TCN2: variants seen among roughly 807,000 people sequenced by gnomAD.
The protein encoded by TCN2 is transcobalamin 2.
TCN2 carries 34 observed loss-of-function variants against 48.6 expected under a neutral mutation model. The ratio of observed to expected loss-of-function variants is 0.70; its 90% CI spans 0.53 to 0.93. The LOEUF is 0.93. Ranked by LOEUF, TCN2 falls within the 40% of genes least tolerant of loss-of-function variation. The pLI is 0.00. For missense variants in TCN2, 652 were observed against 526.1 expected (o/e 1.24, Z -2.34); for synonymous variants, 283 against 212.5 (o/e 1.33, Z -2.89).
chr22:30,620,753 T>G (rs2087685473), intron 7 of TCN2, among the ~76,000 whole-genome samples: 1 of 152,194 alleles, frequency 6.6e-6, no homozygotes, highest in African/African-American at 2.4e-5. Flanking sequence ...GTCTGAGAAA[T>G]GGTTCTCTTG....
At chr22:30,621,016 G>A (rs1414753547) in intron 7 of TCN2, among the ~76,000 whole-genome samples, 1 of 152,178 alleles carries the variant, frequency 6.6e-6, no homozygotes, top group African/African-American at 2.4e-5. Flanking sequence ...GTTTTGAGAC[G>A]GAGTTGCATT....
chr22:30,608,069 TC>T (rs1375210013), intron 1 of TCN2, among the ~76,000 whole-genome samples: 1 of 152,138 alleles, frequency 6.6e-6, no homozygotes, highest in Non-Finnish European at 1.5e-5. Context: ...GAGCACAGTC[TC>T]CTGGGACCTG....
Position 30,614,444 on chromosome 22 carries a change from G to T in TCN2, c.523G>T (p.Val175Leu). Residue 175 changes from valine to leucine, a missense_variant, in exon 4 of 9, where the codon GTG becomes TTG. By Grantham distance (32) the Val-to-Leu change is conservative. Transcript: ENST00000215838. ...CCACCAGAAGCGGGTCCATGACAGC[G>T]TGGTGGACAAACTTCTGTATGCTGT... ...CLHQKRVHDS[V>L]VDKLLYAVEP... 1 of 1,614,178 alleles carries T rather than the reference G, an allele frequency of 6.2e-7. No individual in the cohort carries two copies. The highest frequency in any genetic ancestry group is 8.5e-7 in the Non-Finnish European group (1 of 1,180,040).
chr22:30,619,426 T>C (rs531813279), intron 7 of TCN2, among the ~76,000 whole-genome samples: 4 of 152,340 alleles, frequency 2.6e-5, no homozygotes, highest in East Asian at 1.9e-4. Flanking sequence ...TATCCTGTTA[T>C]TAATTACCTC....
chr22:30,623,296 CAAA>C (rs11305698), intron 8 of TCN2: 141 of 373,238 alleles, frequency 3.8e-4, no homozygotes, highest in East Asian at 5.3e-4. Flanking sequence ...AGACAGATTA[CAAA>C]AAAAAAAAAA....
rs1962001563 is a variant in TCN2 at position 30,626,932 on chromosome 22, CA to C, written c.*412del. On this transcript the variant is annotated 3_prime_UTR_variant, in exon 9 of 9. Coordinates refer to ENST00000215838, the MANE Select transcript of TCN2 (RefSeq NM_000355.4). ...AGCCCGGGGGCTATGGCCCTGACCC[CA>C]GCTCTCCACTCTGCTGTTAGAGTGG... is the stretch of plus-strand genomic sequence containing the variant. 1 of 305,954 alleles carries C rather than the reference CA, an allele frequency of 3.3e-6. No individual in the cohort carries two copies. The highest frequency in any genetic ancestry group is 6.4e-6 in the Non-Finnish European group (1 of 155,976). 19.0% of individuals were successfully genotyped at this position (305,954 alleles called of 1,614,324 possible).
intron 8 of TCN2, among the ~76,000 whole-genome samples, chr22:30,624,655 A>T (rs1284815273): frequency 6.6e-6 from 1 of 152,254 alleles, no homozygotes; most frequent in East Asian, 1.9e-4. Context: ...AGCTAGGTGG[A>T]CCCAGCCAGG....
intron 8 of TCN2, 34 bp downstream of exon 8, chr22:30,623,117 C>T: frequency 1.2e-6 from 2 of 1,606,590 alleles, no homozygotes; most frequent in South Asian, 1.1e-5. Context: ...GATGTGTCCC[C>T]TACCCCAAGC....
intron 3 of TCN2, among the ~76,000 whole-genome samples, chr22:30,614,107 A>G (rs780189638): frequency 1.3e-5 from 2 of 152,150 alleles, no homozygotes; most frequent in Non-Finnish European, 2.9e-5. Flanking sequence ...CGCATGAGCA[A>G]TTGCTGTGGT....
chr22:30,611,489 A>G (rs933926612), intron 2 of TCN2, among the ~76,000 whole-genome samples: 10 of 152,144 alleles, frequency 6.6e-5, no homozygotes, highest in Admixed American at 6.5e-5. Context: ...CCATGACCGC[A>G]TTCTTTCATA....
intron 7 of TCN2, among the ~76,000 whole-genome samples, chr22:30,621,524 C>T (rs989245464): frequency 6.6e-6 from 1 of 152,048 alleles, no homozygotes; most frequent in Non-Finnish European, 1.5e-5. Flanking sequence ...GCTCTGTTAC[C>T]CAGGCTGGAG....
At position 30,615,436 on chromosome 22, in the gene TCN2, A is replaced by C; in HGVS notation, c.716A>C (p.His239Pro). ...EILKAQTPEG[H>P]FGNVYSTPLA... ...TTGAAGGCCCAGACCCCCGAGGGCC[A>C]CTTTGGGAATGTCTACAGCACCCCA... is the stretch of plus-strand genomic sequence containing the variant. The change falls in exon 5 of 9, where the codon CAC (histidine) becomes CCC (proline). Residue 239 changes from histidine to proline, a missense_variant. His to Pro is a moderately conservative substitution (Grantham distance 77, BLOSUM62 -2). Transcript: ENST00000215838. The C allele has an allele frequency of 6.2e-7, 1 of 1,614,202 alleles. No homozygotes were observed. The highest frequency in any genetic ancestry group is 2.2e-5 in the East Asian group (1 of 44,886).
At position 30,617,381 on chromosome 22, in the gene TCN2, G is replaced by T. The variant is rs779891790; in HGVS notation, c.992G>T (p.Ser331Ile). Reference sequence around the variant, plus strand: ...ATTCCTCAGACCCAAGAGATCATCAGTGTCACGCTGCAGGTGCTTAGTCTC... The same window carrying T: ...ATTCCTCAGACCCAAGAGATCATCATTGTCACGCTGCAGGTGCTTAGTCTC... Reference protein sequence around the residue: ...ETIPQTQEIISVTLQVLSLLP... With the variant: ...ETIPQTQEIIIVTLQVLSLLP... Residue 331 changes from serine to isoleucine, a missense_variant, in exon 7 of 9, where the codon AGT (serine) becomes ATT (isoleucine). Physicochemically the swap from Ser to Ile is moderately radical, Grantham distance 142. Coordinates refer to ENST00000215838, the MANE Select transcript of TCN2 (RefSeq NM_000355.4). 3.1e-6 allele frequency: 5 copies of T among 1,614,052 alleles called. No individual in the cohort carries two copies. The African/African-American group carries it at 6.7e-5, about 22-fold the overall frequency.
At chr22:30,612,311 G>T (rs1307008633) in intron 2 of TCN2, among the ~76,000 whole-genome samples, 1 of 151,936 alleles carries the variant, frequency 6.6e-6, no homozygotes, top group Non-Finnish European at 1.5e-5. Context: ...CACTTTGGGA[G>T]GCCAAGGTAG....
rs560391371 is a variant in TCN2 at position 30,626,509 on chromosome 22, G to A, written c.1272G>A (p.Leu424=). 1.7e-5 allele frequency: 27 copies of A among 1,614,104 alleles called. No individual in the cohort carries two copies. The South Asian group carries it at 2.6e-4, about 16-fold the overall frequency. ...ATGGAGAAACCATTGAGCTGAGGCT[G>A]GTTAGCTGGTAGCCCCTGAGCTCCC... ...PKDGETIELR[L]VSW Residue 424 remains leucine (L), a synonymous_variant, in exon 9 of 9, where the codon CTG becomes CTA. Coordinates refer to ENST00000215838, the MANE Select transcript of TCN2 (RefSeq NM_000355.4).
At chr22:30,618,925 A>G (rs2087656551) in intron 7 of TCN2, among the ~76,000 whole-genome samples, 1 of 152,136 alleles carries the variant, frequency 6.6e-6, no homozygotes, top group Admixed American at 6.5e-5. Flanking sequence ...ATGCACCACC[A>G]TACCTGGCTA....
Position 30,626,840 on chromosome 22 carries a change from T to G in TCN2, c.*319T>G, listed in dbSNP as rs1342374446. 2.1e-6 allele frequency: 1 copy of G among 468,938 alleles called. No homozygotes were observed. Among genetic ancestry groups the G allele is most frequent in the African/African-American group, 2.0e-5 (1 of 50,848 alleles). The allele number at this position is 468,938 out of a possible 1,614,324, so 29.0% of individuals were successfully genotyped here. ...TCAGACTCCTTGGCAAAAAACGGAG[T>G]CCGCAGGCCGCAGGTGTTGTGAAGA... is the stretch of plus-strand genomic sequence containing the variant. On this transcript the variant is annotated 3_prime_UTR_variant, in exon 9 of 9. Coordinates refer to ENST00000215838, the MANE Select transcript of TCN2 (RefSeq NM_000355.4).
At position 30,626,733 on chromosome 22, in the gene TCN2, G is replaced by C. The variant is rs549184880; in HGVS notation, c.*212G>C. 4 of 633,534 alleles carry C rather than the reference G, an allele frequency of 6.3e-6. No individual in the cohort carries two copies. Among genetic ancestry groups the C allele is most frequent in the Non-Finnish European group, 5.6e-6 (2 of 356,388 alleles). 39.2% of individuals were successfully genotyped at this position (633,534 alleles called of 1,614,324 possible). A position where few individuals can be genotyped will look rare whatever the true frequency, so the allele number is the denominator to read the frequency against. On this transcript the variant is annotated 3_prime_UTR_variant, in exon 9 of 9. Coordinates refer to ENST00000215838, the MANE Select transcript of TCN2 (RefSeq NM_000355.4). ...GAGAGCCAAGCATCTTCCCTGGGAA[G>C]TCTTTCTGGCCAAGTCTGGCCAGCC...
chr22:30,623,578 A>G (rs914181835), intron 8 of TCN2, among the ~76,000 whole-genome samples: 1 of 151,766 alleles, frequency 6.6e-6, no homozygotes, highest in African/African-American at 2.4e-5. Context: ...TCTTCTAGAT[A>G]CTTTTTAAAA....
Sources: gnomAD v4.1 joint callset for allele counts (sites outside exome capture counted in the v4.1 genomes callset) on GRCh38, gnomAD v4.1.1 for gene constraint, MANE v1.5 for transcripts, NCBI Gene and HGNC (gene_info 2026-07-23, HGNC 2026-07-21) for gene names.